FBXO45: variants seen among roughly 807,000 people sequenced by gnomAD.
FBXO45 encodes F-box/SPRY domain-containing protein 1.
FBXO45 carries 3 observed loss-of-function variants against 25.5 expected under a neutral mutation model. That is an observed-to-expected ratio of 0.12 (90% CI 0.05 to 0.30). The LOEUF (loss-of-function observed/expected upper bound fraction) is 0.30, where lower values mean the gene tolerates loss of function less well. FBXO45 is among the 10% of genes least tolerant of loss of function. The pLI is 1.00. For missense variants in FBXO45, 219 were observed against 365.0 expected, an observed-to-expected ratio of 0.60 and a Z score of 3.26; for synonymous variants, 155 against 149.8, an observed-to-expected ratio of 1.03 and a Z score of -0.25.
At chr3:196,575,770 G>A (rs1735902575) in intron 1 of FBXO45, among the ~76,000 whole-genome samples, 1 of 150,760 alleles carries the variant, frequency 6.6e-6, no homozygotes, top group Non-Finnish European at 1.5e-5. Context: ...TCTGCCTCCT[G>A]GGCTCAAGCA....
At position 196,584,491 on chromosome 3, in the gene FBXO45, A is replaced by T. The variant is rs1286935272; in HGVS notation, c.*173A>T. On this transcript the variant is annotated 3_prime_UTR_variant, in exon 3 of 3. Coordinates refer to ENST00000311630, the MANE Select transcript of FBXO45 (RefSeq NM_001105573.2). This position sits in a 1 kb window ranked among gnomAD's most constrained non-coding sequence, Gnocchi z 4.3. ...GATTATCTTCGTGTTTCCTCTTTCTACTGGGCCAGAAAAATCCTCAGGGTT... is the reference window on the plus strand; with the variant it reads ...GATTATCTTCGTGTTTCCTCTTTCTTCTGGGCCAGAAAAATCCTCAGGGTT... 1.7e-5 allele frequency: 10 copies of T among 589,876 alleles called. No individual in the cohort carries two copies. Among genetic ancestry groups the T allele is most frequent in the African/African-American group, 9.8e-5 (5 of 51,226 alleles). 36.5% of individuals were successfully genotyped at this position (589,876 alleles called of 1,614,324 possible).
chr3:196,580,749 C>G (rs1735994938), intron 2 of FBXO45, among the ~76,000 whole-genome samples: 2 of 151,842 alleles, frequency 1.3e-5, no homozygotes, highest in South Asian at 4.2e-4. Context: ...TTGTTTCTCT[C>G]TAATCTTTGC....
Position 196,569,378 on chromosome 3 carries a change from T to C in FBXO45, c.318+76T>C. The C allele has an allele frequency of 2.1e-6, 3 of 1,397,658 alleles. No individual in the cohort carries two copies. Among genetic ancestry groups the C allele is most frequent in the South Asian group, 1.5e-5 (1 of 67,664 alleles). 86.6% of individuals were successfully genotyped at this position (1,397,658 alleles called of 1,614,324 possible). On this transcript the variant is annotated intron_variant, in intron 1 of 2. Coordinates refer to ENST00000311630, the MANE Select transcript of FBXO45 (RefSeq NM_001105573.2). The surrounding 1 kb of genome is among the most constrained non-coding windows in gnomAD (Gnocchi z 4.1). ...CGTTCGCGGTGTTTCTCATCCGAGCTTCTGAGTCAGAAGCTTCGCCTCACC... is the reference window on the plus strand; with the variant it reads ...CGTTCGCGGTGTTTCTCATCCGAGCCTCTGAGTCAGAAGCTTCGCCTCACC...
chr3:196,575,904 C>T (rs541625220), intron 1 of FBXO45, among the ~76,000 whole-genome samples: 16 of 152,242 alleles, frequency 1.1e-4, no homozygotes, highest in African/African-American at 2.9e-4. Context: ...TCTTGAACTC[C>T]GAGTTCAGGC....
At position 196,569,245 on chromosome 3, in the gene FBXO45, G is replaced by C. The variant is rs77421535; in HGVS notation, c.261G>C (p.Leu87=). 2.9e-3 allele frequency: 4,664 copies of C among 1,585,078 alleles called. 103 individuals are homozygous for C. The African/African-American group carries it at 0.053, about 18-fold the overall frequency. ...EVWRSLCARS[L]AEEALRTDIL... is the part of the protein sequence containing the mutation. ...GGCGGAGCCTGTGCGCCCGCAGCCT[G>C]GCAGAAGAGGCTCTGCGCACGGACA... Residue 87 remains leucine (L), a synonymous_variant, in exon 1 of 3, where the codon CTG becomes CTC. Coordinates refer to ENST00000311630, the MANE Select transcript of FBXO45 (RefSeq NM_001105573.2). The surrounding 1 kb of genome is among the most constrained non-coding windows in gnomAD (Gnocchi z 4.1).
chr3:196,574,465 C>G (rs1219025217), intron 1 of FBXO45, among the ~76,000 whole-genome samples: 1 of 152,084 alleles, frequency 6.6e-6, no homozygotes, highest in Non-Finnish European at 1.5e-5. Flanking sequence ...GTTGATATGT[C>G]TCTTAAGGCT....
Position 196,568,880 on chromosome 3 carries a change from G to A in FBXO45, c.-105G>A, listed in dbSNP as rs1735705317. On this transcript the variant is annotated 5_prime_UTR_variant, in exon 1 of 3. Coordinates refer to ENST00000311630, the MANE Select transcript of FBXO45 (RefSeq NM_001105573.2). ...GCGCCGGCGGTTGGCACTGACAGGG[G>A]CGGTGAGCGAGCCGCTCCGGTCTCC... is the stretch of plus-strand genomic sequence containing the variant. 1.2e-6 allele frequency: 1 copy of A among 855,572 alleles called. No individual in the cohort carries two copies. Among genetic ancestry groups the A allele is most frequent in the Non-Finnish European group, 1.4e-6 (1 of 711,124 alleles). The allele number at this position is 855,572 out of a possible 1,614,324, so 53.0% of individuals were successfully genotyped here.
In FBXO45 at chr3:196,588,895, G is replaced by A. The variant is rs1238165796; in HGVS notation, c.*4577G>A. On this transcript the variant is annotated 3_prime_UTR_variant, in exon 3 of 3. Transcript: ENST00000311630. The surrounding 1 kb of genome is among the most constrained non-coding windows in gnomAD (Gnocchi z 4.2). ...GGGTTGCAAACTTGAGGCTGGTAAG[G>A]AAGAAATAATTACTGTGAATGCATT... 1 of 152,150 alleles carries A rather than the reference G, an allele frequency of 6.6e-6. No homozygotes were observed. Among genetic ancestry groups the A allele is most frequent in the African/African-American group, 2.4e-5 (1 of 41,404 alleles). 9.4% of individuals were successfully genotyped at this position (152,150 alleles called of 1,614,324 possible).
intron 2 of FBXO45, among the ~76,000 whole-genome samples, chr3:196,581,223 CTTTTTTTTTTT>C (rs33962634): frequency 2.5e-4 from 16 of 63,678 alleles, no homozygotes; most frequent in East Asian, 2.2e-3. Context: ...TTTCTTTTTC[CTTTTTTTTTTT>C]TTTTTTTTTT....
chr3:196,573,862 A>G lies in FBXO45; in HGVS notation c.319-3591A>G, dbSNP rs901497273. On this transcript the variant is annotated intron_variant, in intron 1 of 2. Coordinates refer to ENST00000311630, the MANE Select transcript of FBXO45 (RefSeq NM_001105573.2). ...GCTAGGTCTTCATGCTGCTTTTGCCATAACAAAATTCAGGTTGTGCATGGG... is the reference window on the plus strand; with the variant it reads ...GCTAGGTCTTCATGCTGCTTTTGCCGTAACAAAATTCAGGTTGTGCATGGG... 5.3e-5 allele frequency among the ~76,000 whole-genome samples: 8 copies of G among 152,216 alleles called. 1 individual carries two copies. The highest frequency in any genetic ancestry group is 1.9e-4 in the African/African-American group (8 of 41,522).
chr3:196,583,895 A>G (rs1001282668), intron 2 of FBXO45, among the ~76,000 whole-genome samples: 1 of 152,104 alleles, frequency 6.6e-6, no homozygotes, highest in Non-Finnish European at 1.5e-5. Flanking sequence ...GGCTCAAGCA[A>G]TCCGCCCGCC....
chr3:196,577,548 T>C lies in FBXO45; in HGVS notation c.414T>C (p.Ala138=). The C allele has an allele frequency of 1.2e-6, 2 of 1,614,026 alleles. No individual in the cohort carries two copies. The highest frequency in any genetic ancestry group is 2.2e-5 in the East Asian group (1 of 44,888). Residue 138 remains alanine (A), a synonymous_variant, in exon 2 of 3, where the codon GCT becomes GCC. Coordinates refer to ENST00000311630, the MANE Select transcript of FBXO45 (RefSeq NM_001105573.2). The part of the protein sequence containing the change: ...NGFTLHRNPI[A]QSTDGARTKI... ...TTACTTTACATCGAAACCCCATTGC[T>C]CAGAGCACTGATGGTGCAAGGACCA...
chr3:196,574,606 C>T (rs1303045484), intron 1 of FBXO45, among the ~76,000 whole-genome samples: 6 of 152,154 alleles, frequency 3.9e-5, no homozygotes, highest in Admixed American at 3.9e-4. Flanking sequence ...GTTCTTCTGT[C>T]CTCTATTTCC....
chr3:196,569,392 C>T lies in FBXO45; in HGVS notation c.318+90C>T, dbSNP rs1022808557. The T allele has an allele frequency of 2.3e-6, 3 of 1,307,098 alleles. No homozygotes were observed. Among genetic ancestry groups the T allele is most frequent in the African/African-American group, 2.9e-5 (2 of 67,824 alleles). 81.0% of individuals were successfully genotyped at this position (1,307,098 alleles called of 1,614,324 possible). A position where few individuals can be genotyped will look rare whatever the true frequency, so the allele number is the denominator to read the frequency against. ...CTCATCCGAGCTTCTGAGTCAGAAG[C>T]TTCGCCTCACCAGCCCGCCTTTCCA... is the stretch of plus-strand genomic sequence containing the variant. On this transcript the variant is annotated intron_variant, in intron 1 of 2. Coordinates refer to ENST00000311630, the MANE Select transcript of FBXO45 (RefSeq NM_001105573.2). This position sits in a 1 kb window ranked among gnomAD's most constrained non-coding sequence, Gnocchi z 4.1.
chr3:196,575,919 T>C (rs527420321), intron 1 of FBXO45, among the ~76,000 whole-genome samples: 9 of 152,290 alleles, frequency 5.9e-5, no homozygotes, highest in African/African-American at 1.9e-4. Flanking sequence ...TCAGGCGATT[T>C]GCCCACCTTG....
Position 196,578,043 on chromosome 3 carries a change from A to ATTTTTTTTTTTTTT in FBXO45, c.675+236_675+237insTTTTTTTTTTTTTT, listed in dbSNP as rs1196867210. ...TTTGATTTTGGCTATGCAGAAAAAT[A>ATTTTTTTTTTTTTT]TTCTTTTTTTTTTTTTAGACAGAAT... On this transcript the variant is annotated intron_variant, in intron 2 of 2. Transcript: ENST00000311630. Among the ~76,000 whole-genome samples, 83 of 25,118 alleles carry ATTTTTTTTTTTTTT rather than the reference A, an allele frequency of 3.3e-3. 2 individuals are homozygous for ATTTTTTTTTTTTTT. The highest frequency in any genetic ancestry group is 5.1e-3 in the East Asian group (2 of 396). The allele number at this position is 25,118 out of a possible 152,430, so 16.5% of individuals were successfully genotyped here. A position where few individuals can be genotyped will look rare whatever the true frequency, so the allele number is the denominator to read the frequency against.
In FBXO45 at chr3:196,577,489, T is replaced by C. The variant is rs756389856; in HGVS notation, c.355T>C (p.Cys119Arg). Residue 119 changes from cysteine (C) to arginine (R), a missense_variant, in exon 2 of 3, where the codon TGC becomes CGC. By Grantham distance (180) the Cys-to-Arg change is radical. This residue lies in a region of FBXO45 where 31 missense variants were observed against 107.2 expected (regional missense o/e 0.29). Transcript: ENST00000311630. ...AFQHAFSTND[C>R]SRNVYIKKNG... ...TCAACATGCCTTCAGCACTAATGACTGCTCCAGGAATGTCTACATTAAGAA... is the reference window on the plus strand; with the variant it reads ...TCAACATGCCTTCAGCACTAATGACCGCTCCAGGAATGTCTACATTAAGAA... 3 of 1,611,432 alleles carry C rather than the reference T, an allele frequency of 1.9e-6. No homozygotes were observed. Among genetic ancestry groups the C allele is most frequent in the South Asian group, 2.2e-5 (2 of 91,000 alleles).
In FBXO45 at chr3:196,586,261, G is replaced by A. The variant is rs1190657093; in HGVS notation, c.*1943G>A. Reference sequence around the variant, plus strand: ...ACTTGTTTCTTTTTCAGGTTGTGATGTGGCCATTCCGAATTTTGTTGAGAG... The same window carrying A: ...ACTTGTTTCTTTTTCAGGTTGTGATATGGCCATTCCGAATTTTGTTGAGAG... On this transcript the variant is annotated 3_prime_UTR_variant, in exon 3 of 3. Coordinates refer to ENST00000311630, the MANE Select transcript of FBXO45 (RefSeq NM_001105573.2). 1.3e-5 allele frequency: 2 copies of A among 152,262 alleles called. No individual in the cohort carries two copies. Among genetic ancestry groups the A allele is most frequent in the African/African-American group, 4.8e-5 (2 of 41,548 alleles). 9.4% of individuals were successfully genotyped at this position (152,262 alleles called of 1,614,324 possible).
chr3:196,584,155 T>C lies in FBXO45; in HGVS notation c.698T>C (p.Ile233Thr). ...CAGATAGGAGAAAGAATTCGAGTCATCTTGGACATGGAAGATAAGACTTTA... is the reference window on the plus strand; with the variant it reads ...CAGATAGGAGAAAGAATTCGAGTCACCTTGGACATGGAAGATAAGACTTTA... ...KYQIGERIRVILDMEDKTLAF... is the reference protein window; with the variant it reads ...KYQIGERIRVTLDMEDKTLAF... The change falls in exon 3 of 3, where the codon ATC becomes ACC. Residue 233 changes from isoleucine (I) to threonine (T), a missense_variant. Ile to Thr is a moderately conservative substitution (Grantham distance 89, BLOSUM62 -1). Transcript: ENST00000311630. This position sits in a 1 kb window ranked among gnomAD's most constrained non-coding sequence, Gnocchi z 4.3. The C allele has an allele frequency of 1.2e-6, 2 of 1,613,868 alleles. No homozygotes were observed. Among genetic ancestry groups the C allele is most frequent in the Non-Finnish European group, 1.7e-6 (2 of 1,179,858 alleles).
Sources: gnomAD v4.1 joint callset for allele counts (sites outside exome capture counted in the v4.1 genomes callset) on GRCh38, gnomAD v4.1.1 for gene constraint, gnomAD v4.1.1 regional missense constraint, Gnocchi (gnomAD v3.1) non-coding constraint, MANE v1.5 for transcripts, NCBI Gene and HGNC (gene_info 2026-07-23, HGNC 2026-07-21) for gene names.